Variants in HCRTR2 observed in about 807,000 individuals in gnomAD.
HCRTR2 encodes hypocretin receptor 2.
Under a neutral mutation model 49.0 loss-of-function variants are expected in HCRTR2, and 22 were observed. The ratio of observed to expected loss-of-function variants is 0.45; its 90% CI spans 0.32 to 0.64. HCRTR2 has a LOEUF of 0.64. Ranked by LOEUF, HCRTR2 falls within the 30% of genes least tolerant of loss-of-function variation. HCRTR2 has a pLI of 0.04. For synonymous variants in HCRTR2, 236 were observed against 205.3 expected (o/e 1.15, Z -1.28); for missense variants, 491 against 559.4 (o/e 0.88, Z 1.23).
chr6:55,193,145 G>T (rs978455683), intron 1 of HCRTR2, among the ~76,000 whole-genome samples: 3 of 152,044 alleles, frequency 2.0e-5, no homozygotes, highest in Admixed American at 6.6e-5. Flanking sequence ...CTATTAATTG[G>T]CAAGCACTCT....
intron 1 of HCRTR2, among the ~76,000 whole-genome samples, chr6:55,125,742 A>G (rs1026285606): frequency 4.6e-5 from 7 of 152,028 alleles, no homozygotes; most frequent in Non-Finnish European, 1.0e-4. Context: ...TGTCATTTTC[A>G]TGTACACCAA....
chr6:55,224,270 T>A (rs936567808), intron 1 of HCRTR2, among the ~76,000 whole-genome samples: 6 of 152,188 alleles, frequency 3.9e-5, no homozygotes, highest in African/African-American at 1.4e-4. Context: ...ATTGCAGCTT[T>A]ATTCACAATA....
At chr6:55,182,762 G>T (rs532612586) in intron 1 of HCRTR2, among the ~76,000 whole-genome samples, 6 of 152,322 alleles carry the variant, frequency 3.9e-5, no homozygotes, top group African/African-American at 1.4e-4. Flanking sequence ...ACTAGAAGAA[G>T]TATACTGGCT....
intron 1 of HCRTR2, among the ~76,000 whole-genome samples, chr6:55,157,907 T>C (rs1412463837): frequency 6.6e-6 from 1 of 152,240 alleles, no homozygotes; most frequent in Non-Finnish European, 1.5e-5. Context: ...CCAAGAAAGA[T>C]AGGCACAAAC....
At chr6:55,244,481 A>C (rs1426438691) in intron 1 of HCRTR2, among the ~76,000 whole-genome samples, 1 of 152,026 alleles carries the variant, frequency 6.6e-6, no homozygotes, top group Non-Finnish European at 1.5e-5. Flanking sequence ...GAATAGAAAG[A>C]ATATAATAGA....
Position 55,255,320 on chromosome 6 carries a change from T to G in HCRTR2, c.587T>G (p.Val196Gly). Residue 196 changes from valine to glycine, a missense_variant, in exon 3 of 7, where the codon GTG becomes GGG. Val to Gly is a moderately radical substitution (Grantham distance 109). Coordinates refer to ENST00000370862, the MANE Select transcript of HCRTR2 (RefSeq NM_001384272.1). ...PQAIVMECST[V>G]FPGLANKTTL... ...GCCATCGTCATGGAGTGCAGCACCG[T>G]GTTCCCAGGCTTAGCCAATAAAACC... The G allele has an allele frequency of 6.2e-7, 1 of 1,614,056 alleles. No homozygotes were observed. The highest frequency in any genetic ancestry group is 1.1e-5 in the South Asian group (1 of 91,088).
intron 1 of HCRTR2, among the ~76,000 whole-genome samples, chr6:55,112,110 C>A (rs770390026): frequency 6.6e-6 from 1 of 151,770 alleles, no homozygotes; most frequent in African/African-American, 2.4e-5. Context: ...ATGATTAAAA[C>A]CCTCAACAAA....
At chr6:55,237,615 G>T (rs1249852981) in intron 1 of HCRTR2, among the ~76,000 whole-genome samples, 1 of 152,166 alleles carries the variant, frequency 6.6e-6, no homozygotes, top group African/African-American at 2.4e-5. Flanking sequence ...GAGAAGAAAA[G>T]AGGCTAAATG....
At chr6:55,175,199 G>A (rs987858966) in intron 1 of HCRTR2, among the ~76,000 whole-genome samples, 1 of 152,062 alleles carries the variant, frequency 6.6e-6, no homozygotes, top group African/African-American at 2.4e-5. Flanking sequence ...CAGGGGGGTT[G>A]GGACGAGACA....
intron 3 of HCRTR2, 24 bp downstream of exon 3, chr6:55,255,403 C>T: frequency 6.2e-7 from 1 of 1,613,410 alleles, no homozygotes; most frequent in Non-Finnish European, 8.5e-7. Context: ...GGCCCATCAA[C>T]TGACATTTAT....
chr6:55,145,151 C>T (rs1764561674), intron 1 of HCRTR2, among the ~76,000 whole-genome samples: 1 of 152,126 alleles, frequency 6.6e-6, no homozygotes, highest in African/African-American at 2.4e-5. Flanking sequence ...CCTTGTTTTA[C>T]TCATTTACCT....
At chr6:55,279,302 C>A (rs1305728027) in intron 5 of HCRTR2, among the ~76,000 whole-genome samples, 1 of 151,782 alleles carries the variant, frequency 6.6e-6, no homozygotes, top group Non-Finnish European at 1.5e-5. Context: ...TAACTTTTTG[C>A]CGAATTAGTC....
At chr6:55,283,867 C>A (rs1456228094), downstream of HCRTR2, among the ~76,000 whole-genome samples, 4 of 152,102 alleles carry the variant, frequency 2.6e-5, no homozygotes, top group Admixed American at 2.0e-4. Context: ...GTTTTCAAAT[C>A]TTGGAATTTG....
chr6:55,199,462 C>T (rs1461031212), intron 1 of HCRTR2, among the ~76,000 whole-genome samples: 1 of 151,954 alleles, frequency 6.6e-6, no homozygotes, highest in East Asian at 1.9e-4. Context: ...CTTTCTAATT[C>T]ATTAATATGA....
chr6:55,259,858 A>G (rs1052771422), intron 3 of HCRTR2, among the ~76,000 whole-genome samples: 6 of 152,150 alleles, frequency 3.9e-5, no homozygotes, highest in South Asian at 2.1e-4. Flanking sequence ...GTACAGAAAG[A>G]CTTCAAAGAT....
intron 1 of HCRTR2, among the ~76,000 whole-genome samples, chr6:55,131,323 A>T (rs1581787528): frequency 6.6e-6 from 1 of 151,814 alleles, no homozygotes; most frequent in Non-Finnish European, 1.5e-5. Context: ...AGAAAAGAAA[A>T]ACAAATGTAA....
chr6:55,124,606 T>C (rs554284468), intron 1 of HCRTR2, among the ~76,000 whole-genome samples: 2 of 152,136 alleles, frequency 1.3e-5, no homozygotes, highest in Admixed American at 1.3e-4. Context: ...GGGTGGAGAG[T>C]TCTGTAGATG....
rs1562027673 is a variant in HCRTR2 at position 55,267,401 on chromosome 6, TC to T, written c.762+3580del. The stretch of plus-strand genomic sequence containing the variant: ...GTGAACTACTTAAATTCTCTCTCTC[TC>T]TGTTTTTTTTTTTTTTTTTGGCAAT... On this transcript the variant is annotated intron_variant, in intron 4 of 6. Coordinates refer to ENST00000370862, the MANE Select transcript of HCRTR2 (RefSeq NM_001384272.1). Among the ~76,000 whole-genome samples the T allele has an allele frequency of 1.7e-3, 239 of 138,826 alleles. 1 individual carries two copies. The highest frequency in any genetic ancestry group is 6.5e-3 in the African/African-American group (220 of 34,086). 91.1% of individuals were successfully genotyped at this position (138,826 alleles called of 152,430 possible). A position where few individuals can be genotyped will look rare whatever the true frequency, so the allele number is the denominator to read the frequency against.
At chr6:55,177,309 T>C (rs1373152941) in intron 1 of HCRTR2, among the ~76,000 whole-genome samples, 1 of 152,196 alleles carries the variant, frequency 6.6e-6, no homozygotes. Flanking sequence ...CATTCTTTTC[T>C]GACATACTGC....
Sources: gnomAD v4.1 joint callset for allele counts (sites outside exome capture counted in the v4.1 genomes callset) on GRCh38, gnomAD v4.1.1 for gene constraint, MANE v1.5 for transcripts, NCBI Gene and HGNC (gene_info 2026-07-23, HGNC 2026-07-21) for gene names.